Variants in MICALL2 observed in about 807,000 individuals in gnomAD.
MICALL2 encodes the protein MICAL-like protein 2.
In MICALL2, 111 loss-of-function variants were observed where a neutral mutation model predicts 91.1. That is an observed-to-expected ratio of 1.22 (90% CI 1.04 to 1.43). The LOEUF is 1.43. MICALL2 is among the 40% of genes most tolerant of loss of function. The pLI is 0.00. For synonymous variants in MICALL2, 694 were observed against 525.3 expected, an observed-to-expected ratio of 1.32 and a Z score of -4.39; for missense variants, 1,556 against 1,236.0, an observed-to-expected ratio of 1.26 and a Z score of -3.88.
intron 16 of MICALL2, 97 bp from the exon 17 acceptor site, chr7:1,434,769 C>G (rs1779883853): frequency 7.7e-7 from 1 of 1,296,562 alleles, no homozygotes. Context: ...TTCCCTTCCA[C>G]TGGCCACAAT....
At position 1,453,748 on chromosome 7, in the gene MICALL2, T is replaced by C. The variant is rs373281457; in HGVS notation, c.144-3460A>G. 3.7e-4 allele frequency among the ~76,000 whole-genome samples: 56 copies of C among 152,180 alleles called. 1 individual carries two copies. In the South Asian group the frequency reaches 0.01, roughly 28 times the overall value. ...CATCCTCCAGGGTTTAATCTTCTCT[T>C]ATTTGAAGCCTCAGAATTAAAATCA... On this transcript the variant is annotated intron_variant, in intron 1 of 16. Coordinates refer to ENST00000297508, the MANE Select transcript of MICALL2 (RefSeq NM_182924.4).
intron 3 of MICALL2, 106 bp downstream of exon 3, chr7:1,448,514 G>C (rs1357569376): frequency 1.3e-5 from 11 of 857,484 alleles, no homozygotes; most frequent in Non-Finnish European, 1.9e-5. Context: ...GGCCATTCTT[G>C]GGGGGGGGGC....
chr7:1,445,160 G>T lies in MICALL2; in HGVS notation c.910C>A (p.Pro304Thr), dbSNP rs766075670. ...SPARASVPAA[P>T]NPAATSATSV... is the part of the protein sequence containing the mutation. ...GTGGCGCTGGTGGCTGCAGGGTTGG[G>T]TGCAGCTGGAACGGAAGCCCTGGCA... Residue 304 changes from proline (P) to threonine (T), a missense_variant, in exon 6 of 17, where the codon CCC becomes ACC. Pro to Thr is a conservative substitution (Grantham distance 38, BLOSUM62 -1). Coordinates refer to ENST00000297508, the MANE Select transcript of MICALL2 (RefSeq NM_182924.4). The T allele has an allele frequency of 1.3e-6, 2 of 1,578,116 alleles. No homozygotes were observed. Among genetic ancestry groups the T allele is most frequent in the African/African-American group, 2.7e-5 (2 of 74,110 alleles).
intron 1 of MICALL2, among the ~76,000 whole-genome samples, chr7:1,450,770 C>G (rs1352351839): frequency 3.3e-5 from 5 of 152,214 alleles, no homozygotes; most frequent in Admixed American, 2.6e-4. Context: ...AGAGGGCCAG[C>G]CACGCTGCCC....
intron 7 of MICALL2, chr7:1,441,842 G>A (rs1314725548): frequency 9.2e-6 from 3 of 325,726 alleles, no homozygotes; most frequent in Non-Finnish European, 1.7e-5. Flanking sequence ...GAGAACAGGA[G>A]GCCCCACAGA....
At position 1,444,884 on chromosome 7, in the gene MICALL2, T is replaced by A. The variant is rs1001985351; in HGVS notation, c.1186A>T (p.Thr396Ser). 4 of 1,587,456 alleles carry A rather than the reference T, an allele frequency of 2.5e-6. No individual in the cohort carries two copies. The African/African-American group carries it at 4.0e-5, about 16-fold the overall frequency. Residue 396 changes from threonine to serine, a missense_variant, in exon 6 of 17, where the codon ACA becomes TCA. By Grantham distance (58) the Thr-to-Ser change is moderately conservative. Coordinates refer to ENST00000297508, the MANE Select transcript of MICALL2 (RefSeq NM_182924.4). Reference protein sequence around the residue: ...APQTTLSSSSTSAATVDPPAW... With the variant: ...APQTTLSSSSSSAATVDPPAW... ...GGGGGGTCCACCGTGGCTGCAGATG[T>A]GGAGCTTGAACTGAGTGTGGTTTGA...
At chr7:1,440,926 C>G (rs970090818) in intron 7 of MICALL2, 1 of 515,230 alleles carries the variant, frequency 1.9e-6, no homozygotes. Flanking sequence ...GCCTCAACTT[C>G]CCCTTCTGCC....
chr7:1,437,924 G>A lies in MICALL2; in HGVS notation c.2368C>T (p.Leu790Phe), dbSNP rs780941520. 6.5e-6 allele frequency: 10 copies of A among 1,549,414 alleles called. No homozygotes were observed. The highest frequency in any genetic ancestry group is 4.8e-5 in the South Asian group (4 of 84,006). Residue 790 changes from leucine (L) to phenylalanine (F), a missense_variant, in exon 13 of 17, where the codon CTT becomes TTT. By Grantham distance (22) the Leu-to-Phe change is conservative (BLOSUM62 0). Transcript: ENST00000297508. ...AGCTCTGACTCCTGTCTCAGCAGAA[G>A]CTGCTTCTCGTGAATGAGCCAGAAC... ...DWFWLIHEKQLLLRQESELMY... is the reference protein window; with the variant it reads ...DWFWLIHEKQFLLRQESELMY...
chr7:1,439,472 T>G, intron 9 of MICALL2: 3 of 166,802 alleles, frequency 1.8e-5, no homozygotes, highest in African/African-American at 3.3e-5. Flanking sequence ...AACACAGATG[T>G]ACACATGGAC....
chr7:1,444,891 T>C lies in MICALL2; in HGVS notation c.1179A>G (p.Ser393=). 1 of 1,578,920 alleles carries C rather than the reference T, an allele frequency of 6.3e-7. No homozygotes were observed. The highest frequency in any genetic ancestry group is 8.6e-7 in the Non-Finnish European group (1 of 1,166,632). ...RVAAPQTTLS[S]SSTSAATVDP... ...CCACCGTGGCTGCAGATGTGGAGCT[T>C]GAACTGAGTGTGGTTTGAGGAGCTG... The change falls in exon 6 of 17, where the codon TCA becomes TCG. Residue 393 remains serine, a synonymous_variant. Coordinates refer to ENST00000297508, the MANE Select transcript of MICALL2 (RefSeq NM_182924.4).
rs1292075070 is a variant in MICALL2 at position 1,438,574 on chromosome 7, GCAA to G, written c.2123-224_2123-222del. On this transcript the variant is annotated intron_variant, in intron 10 of 16. Coordinates refer to ENST00000297508, the MANE Select transcript of MICALL2 (RefSeq NM_182924.4). ...CTGCACCCTGCCCTCCTCCAGGTCA[GCAA>G]CACCCCAGCCACCCCAGTCCCTCAA... The G allele has an allele frequency of 1.6e-4, 223 of 1,423,082 alleles. 2 individuals are homozygous for G. In the East Asian group the frequency reaches 5.5e-3, roughly 35 times the overall value. 88.2% of individuals were successfully genotyped at this position (1,423,082 alleles called of 1,614,324 possible).
Position 1,457,371 on chromosome 7 carries a change from C to T in MICALL2, c.143+1813G>A, listed in dbSNP as rs1224071717. Among the ~76,000 whole-genome samples the T allele has an allele frequency of 2.6e-5, 4 of 152,364 alleles. No homozygotes were observed. In the East Asian group the frequency reaches 5.8e-4, roughly 22 times the overall value. ...GCCACAGCTTGGGTAACTCCACACCCACCGGAGCTGGGGGCAGAGGGCCTC... is the reference window on the plus strand; with the variant it reads ...GCCACAGCTTGGGTAACTCCACACCTACCGGAGCTGGGGGCAGAGGGCCTC... On this transcript the variant is annotated intron_variant, in intron 1 of 16. Transcript: ENST00000297508.
chr7:1,455,425 G>C (rs1308142292), intron 1 of MICALL2, among the ~76,000 whole-genome samples: 1 of 152,228 alleles, frequency 6.6e-6, no homozygotes, highest in Non-Finnish European at 1.5e-5. Context: ...CCGCAGGTGA[G>C]ACAGGGCAGG....
chr7:1,435,004 C>CCCG, intron 16 of MICALL2, 97 bp downstream of exon 16: 2 of 676,890 alleles, frequency 3.0e-6, no homozygotes, highest in Non-Finnish European at 2.4e-6. Context: ...CCACCCCCAG[C>CCCG]TGGAGGCCCG....
intron 6 of MICALL2, among the ~76,000 whole-genome samples, chr7:1,442,717 A>G (rs1780366010): frequency 6.7e-6 from 1 of 148,562 alleles, no homozygotes; most frequent in African/African-American, 2.5e-5. Flanking sequence ...GCTCGCTCCC[A>G]ATGACCACCC....
chr7:1,437,002 T>A, intron 14 of MICALL2, 146 bp from the exon 15 acceptor site: 1 of 544,798 alleles, frequency 1.8e-6, no homozygotes, highest in Non-Finnish European at 3.1e-6. Context: ...AATGAATGAG[T>A]GAATAAGTGA....
rs1780178905 is a variant in MICALL2 at position 1,439,628 on chromosome 7, C to T, written c.1966+297G>A. 3.2e-5 allele frequency: 11 copies of T among 338,976 alleles called. No individual in the cohort carries two copies. In the South Asian group the frequency reaches 1.1e-3, roughly 33 times the overall value. The allele number at this position is 338,976 out of a possible 1,614,324, so 21.0% of individuals were successfully genotyped here. ...ATCACACATCACATACATGAACAGA[C>T]ACATGGACATGCATCACGTGCACAT... is the stretch of plus-strand genomic sequence containing the variant. On this transcript the variant is annotated intron_variant, in intron 9 of 16. Transcript: ENST00000297508.
rs368250815 is a variant in MICALL2 at position 1,446,781 on chromosome 7, G to A, written c.573C>T (p.Cys191=). ...GCTGTACCAGGTGCACGTGCTTGCC[G>A]CAGACCCCGCAGGTGCTGCTGACCA... is the stretch of plus-strand genomic sequence containing the variant. ...GSLVSSTCGV[C]GKHVHLVQRH... Residue 191 remains cysteine, a synonymous_variant, in exon 5 of 17, where the codon TGC becomes TGT. Transcript: ENST00000297508. 1.2e-5 allele frequency: 20 copies of A among 1,606,902 alleles called. No homozygotes were observed. Among genetic ancestry groups the A allele is most frequent in the East Asian group, 2.2e-5 (1 of 44,730 alleles).
Position 1,445,054 on chromosome 7 carries a change from C to A in MICALL2, c.1016G>T (p.Arg339Leu). ...GCCCATCGGGGAGCTATTGGTCACA[C>A]GAGGGCGGACTTTCCCCTCCGTGGG... Reference protein sequence around the residue: ...PTPTEGKVRPRVTNSSPMGWS... With the variant: ...PTPTEGKVRPLVTNSSPMGWS... The change falls in exon 6 of 17, where the codon CGT (arginine) becomes CTT (leucine). Residue 339 changes from arginine (R) to leucine (L), a missense_variant. Physicochemically the swap from Arg to Leu is moderately radical, Grantham distance 102. Coordinates refer to ENST00000297508, the MANE Select transcript of MICALL2 (RefSeq NM_182924.4). 6.5e-7 allele frequency: 1 copy of A among 1,545,606 alleles called. No homozygotes were observed. Among genetic ancestry groups the A allele is most frequent in the Non-Finnish European group, 8.7e-7 (1 of 1,145,030 alleles).
Sources: gnomAD v4.1 joint callset for allele counts (sites outside exome capture counted in the v4.1 genomes callset) on GRCh38, gnomAD v4.1.1 for gene constraint, MANE v1.5 for transcripts, NCBI Gene and HGNC (gene_info 2026-07-23, HGNC 2026-07-21) for gene names.